Variants in NDST4 observed in about 807,000 individuals in gnomAD.
The protein encoded by NDST4 is N-deacetylase and N-sulfotransferase 4, also known as N-heparan sulfate sulfotransferase 4.
In NDST4, 63 loss-of-function variants were observed where a neutral mutation model predicts 100.8. The observed-to-expected ratio is 0.62, with a 90% CI of 0.51 to 0.77. NDST4 has a LOEUF of 0.77. NDST4 is among the 30% of genes least tolerant of loss of function. The pLI, the probability that NDST4 is intolerant of heterozygous loss-of-function variation, is 0.00. For synonymous variants in NDST4, 377 were observed against 361.8 expected, an observed-to-expected ratio of 1.04 and a Z score of -0.48; for missense variants, 943 against 1,018.4, an observed-to-expected ratio of 0.93 and a Z score of 1.01.
At chr4:114,837,182 G>A (rs551696105) in intron 11 of NDST4, among the ~76,000 whole-genome samples, 1 of 151,934 alleles carries the variant, frequency 6.6e-6, no homozygotes, top group African/African-American at 2.4e-5. Flanking sequence ...GCAATCATTT[G>A]GAGGAGAAGA....
chr4:114,956,406 AG>A (rs1357582205), intron 4 of NDST4, among the ~76,000 whole-genome samples: 4 of 152,186 alleles, frequency 2.6e-5, no homozygotes, highest in Non-Finnish European at 5.9e-5. Flanking sequence ...TTTAACAGTA[AG>A]CAAGTAAGGA....
chr4:114,854,164 T>G (rs141564584), intron 7 of NDST4, among the ~76,000 whole-genome samples: 207 of 152,322 alleles, frequency 1.4e-3, no homozygotes, highest in African/African-American at 4.4e-3. Flanking sequence ...CATTATATGC[T>G]CTATCTCCAT....
chr4:114,878,835 C>G (rs1724309070), intron 6 of NDST4, among the ~76,000 whole-genome samples: 1 of 151,624 alleles, frequency 6.6e-6, no homozygotes, highest in Admixed American at 6.6e-5. Context: ...TTATTTATAT[C>G]TAATAGATCA....
intron 2 of NDST4, among the ~76,000 whole-genome samples, chr4:115,067,363 A>G (rs181437579): frequency 9.1e-4 from 139 of 152,304 alleles, no homozygotes; most frequent in African/African-American, 3.2e-3. Context: ...AGATTTTTCT[A>G]CTAGTTTACC....
At chr4:114,916,081 G>T (rs1446796447) in intron 6 of NDST4, among the ~76,000 whole-genome samples, 2 of 152,062 alleles carry the variant, frequency 1.3e-5, no homozygotes, top group African/African-American at 2.4e-5. Context: ...GTGAGTAATG[G>T]ACTATCGATA....
chr4:114,870,434 T>C (rs1339965067), intron 7 of NDST4, among the ~76,000 whole-genome samples: 1 of 152,148 alleles, frequency 6.6e-6, no homozygotes, highest in Non-Finnish European at 1.5e-5. Flanking sequence ...ATCTACTGTC[T>C]AACCATTTTA....
intron 2 of NDST4, among the ~76,000 whole-genome samples, chr4:115,053,255 T>G (rs1159829367): frequency 1.3e-5 from 2 of 152,106 alleles, no homozygotes; most frequent in Non-Finnish European, 2.9e-5. Context: ...TAGTAACCAG[T>G]GATGAACATT....
chr4:114,860,475 A>G (rs1257128976), intron 7 of NDST4, among the ~76,000 whole-genome samples: 3 of 152,188 alleles, frequency 2.0e-5, no homozygotes, highest in Admixed American at 6.5e-5. Flanking sequence ...GGAAAGTGAG[A>G]CAAAATGATA....
At chr4:114,934,191 G>A (rs1338482958) in intron 6 of NDST4, among the ~76,000 whole-genome samples, 1 of 152,074 alleles carries the variant, frequency 6.6e-6, no homozygotes, top group African/African-American at 2.4e-5. Context: ...AGGAAATCTT[G>A]TCATTTGTGA....
chr4:114,839,321 T>C, intron 11 of NDST4, 57 bp downstream of exon 11: 1 of 1,461,154 alleles, frequency 6.8e-7, no homozygotes, highest in Non-Finnish European at 9.3e-7. Context: ...TAATAAAATA[T>C]AAAATTTCAG....
At chr4:114,978,368 T>C (rs1726684271) in intron 2 of NDST4, among the ~76,000 whole-genome samples, 1 of 151,972 alleles carries the variant, frequency 6.6e-6, no homozygotes, top group South Asian at 2.1e-4. Flanking sequence ...GAGTCTCCTG[T>C]ACATTAGTTT....
chr4:114,896,157 A>T (rs1277056884), intron 6 of NDST4, among the ~76,000 whole-genome samples: 1 of 152,220 alleles, frequency 6.6e-6, no homozygotes, highest in Non-Finnish European at 1.5e-5. Context: ...GCCATTGACA[A>T]TTATGAACAT....
chr4:115,000,202 G>A (rs918142356), intron 2 of NDST4, among the ~76,000 whole-genome samples: 2 of 150,972 alleles, frequency 1.3e-5, no homozygotes, highest in Non-Finnish European at 3.0e-5. Context: ...GACATTAAGA[G>A]GAACTGATTT....
chr4:115,017,691 G>A (rs1560861444), intron 2 of NDST4, among the ~76,000 whole-genome samples: 2 of 151,962 alleles, frequency 1.3e-5, no homozygotes, highest in African/African-American at 4.8e-5. Flanking sequence ...GATCAATCCA[G>A]TGTTACAATG....
intron 2 of NDST4, among the ~76,000 whole-genome samples, chr4:115,048,441 G>A (rs149580782): frequency 6.6e-6 from 1 of 151,832 alleles, no homozygotes; most frequent in South Asian, 2.1e-4. Flanking sequence ...GACTCATTTC[G>A]AATAAAACAT....
At chr4:114,984,361 T>C (rs1300235604) in intron 2 of NDST4, among the ~76,000 whole-genome samples, 1 of 151,914 alleles carries the variant, frequency 6.6e-6, no homozygotes, top group Admixed American at 6.6e-5. Context: ...GTATTTTTAG[T>C]AGAGATGGGC....
intron 1 of NDST4, among the ~76,000 whole-genome samples, chr4:115,092,932 C>A (rs968147709): frequency 6.6e-6 from 1 of 151,762 alleles, no homozygotes; most frequent in Non-Finnish European, 1.5e-5. Flanking sequence ...TGAAAAAATC[C>A]AAGTATATGC....
chr4:114,962,313 T>C (rs1194781593), intron 4 of NDST4, among the ~76,000 whole-genome samples: 1 of 108,808 alleles, frequency 9.2e-6, no homozygotes, highest in Admixed American at 1.0e-4. Flanking sequence ...TCAGGACAAT[T>C]AGACAATAAA....
At chr4:114,937,567 C>T in intron 4 of NDST4, 64 bp from the exon 5 acceptor site, 10 of 1,287,858 alleles carry the variant, frequency 7.8e-6, no homozygotes, top group Non-Finnish European at 1.1e-5. Context: ...AAAATCATTT[C>T]CACCAACATC....
Sources: allele counts gnomAD v4.1 joint callset (sites outside exome capture counted in the v4.1 genomes callset), GRCh38; gene constraint gnomAD v4.1.1; transcripts MANE v1.5; gene names NCBI Gene and HGNC (gene_info 2026-07-23, HGNC 2026-07-21).